Variants in MARK2 observed in about 807,000 individuals in gnomAD.
MARK2 encodes the protein microtubule affinity regulating kinase 2.
MARK2 carries 16 observed loss-of-function variants against 89.8 expected under a neutral mutation model. The observed-to-expected ratio is 0.18, with a 90% CI of 0.12 to 0.27. MARK2 has a LOEUF of 0.27. Ranked by LOEUF, MARK2 falls within the 10% of genes least tolerant of loss-of-function variation. MARK2 has a pLI of 1.00. For synonymous variants in MARK2, 382 were observed against 399.5 expected (o/e 0.96, Z 0.52); for missense variants, 621 against 1,049.9 (o/e 0.59, Z 5.65).
At chr11:63,861,295 G>C (rs753561066) in intron 1 of MARK2, among the ~76,000 whole-genome samples, 1 of 152,126 alleles carries the variant, frequency 6.6e-6, no homozygotes, top group Non-Finnish European at 1.5e-5. Context: ...ACGTAGCCAG[G>C]CGTGGTGGTG....
At chr11:63,847,765 C>G (rs970320800) in intron 1 of MARK2, among the ~76,000 whole-genome samples, 1 of 152,194 alleles carries the variant, frequency 6.6e-6, no homozygotes, top group African/African-American at 2.4e-5. Context: ...AGCTCTAAGA[C>G]ATTAACTCCT....
intron 1 of MARK2, among the ~76,000 whole-genome samples, chr11:63,859,528 C>T (rs970996566): frequency 6.6e-6 from 1 of 152,036 alleles, no homozygotes; most frequent in Non-Finnish European, 1.5e-5. Context: ...ACCATGTTGG[C>T]CAGGCTGGTC....
chr11:63,865,545 A>G (rs1266387666), intron 1 of MARK2, among the ~76,000 whole-genome samples: 1 of 152,194 alleles, frequency 6.6e-6, no homozygotes, highest in Non-Finnish European at 1.5e-5. Flanking sequence ...GGTGTTCTTT[A>G]ATGCTGTGGC....
intron 1 of MARK2, among the ~76,000 whole-genome samples, chr11:63,876,341 C>T (rs1244747187): frequency 6.6e-6 from 1 of 152,242 alleles, no homozygotes; most frequent in Non-Finnish European, 1.5e-5. Flanking sequence ...GTTATATTTT[C>T]TGGCAACCTA....
At chr11:63,843,920 G>A (rs543960525) in intron 1 of MARK2, among the ~76,000 whole-genome samples, 1 of 152,078 alleles carries the variant, frequency 6.6e-6, no homozygotes, top group East Asian at 1.9e-4. Context: ...AGATTGGATC[G>A]GCTAGCTAGC....
intron 1 of MARK2, among the ~76,000 whole-genome samples, chr11:63,850,315 ATTTTT>A (rs34074167): frequency 4.2e-5 from 4 of 95,764 alleles, no homozygotes; most frequent in South Asian, 3.8e-4. Flanking sequence ...TACCTGGCTA[ATTTTT>A]TTTTTTTTTT....
At chr11:63,853,017 T>C (rs533102393) in intron 1 of MARK2, among the ~76,000 whole-genome samples, 1 of 152,226 alleles carries the variant, frequency 6.6e-6, no homozygotes, top group Non-Finnish European at 1.5e-5. Flanking sequence ...AATGAAGTCT[T>C]GAACAGCTGA....
chr11:63,887,203 G>C (rs1019925930), intron 1 of MARK2, among the ~76,000 whole-genome samples: 3 of 152,220 alleles, frequency 2.0e-5, no homozygotes, highest in African/African-American at 7.2e-5. Flanking sequence ...GGAAATGAGA[G>C]CACGATTAGG....
intron 1 of MARK2, among the ~76,000 whole-genome samples, chr11:63,879,522 G>C (rs1017637923): frequency 1.3e-5 from 2 of 151,834 alleles, no homozygotes; most frequent in African/African-American, 4.8e-5. Context: ...TAGTCCAGTA[G>C]CACCTGAAAC....
At chr11:63,883,030 G>A (rs1328712683) in intron 1 of MARK2, among the ~76,000 whole-genome samples, 1 of 152,186 alleles carries the variant, frequency 6.6e-6, no homozygotes, top group African/African-American at 2.4e-5. Context: ...TGATATGGAG[G>A]AACTTGTTGG....
intron 1 of MARK2, chr11:63,869,255 C>CT (rs1235050752): frequency 6.4e-6 from 1 of 157,274 alleles, no homozygotes; most frequent in African/African-American, 2.5e-5. Flanking sequence ...GAAACTGCTG[C>CT]TTGCTAGGCT....
At chr11:63,883,281 ACTC>A (rs764541123) in intron 1 of MARK2, among the ~76,000 whole-genome samples, 1 of 151,754 alleles carries the variant, frequency 6.6e-6, no homozygotes, top group Non-Finnish European at 1.5e-5. Flanking sequence ...TCATTCAGCT[ACTC>A]CTCCTGCAGG....
In MARK2 at chr11:63,899,120, A is replaced by T. The variant is rs1381279450; in HGVS notation, c.531+12A>T. 1 of 1,594,148 alleles carries T rather than the reference A, an allele frequency of 6.3e-7. No homozygotes were observed. The highest frequency in any genetic ancestry group is 8.6e-7 in the Non-Finnish European group (1 of 1,164,220). On this transcript the variant is annotated intron_variant, in intron 7 of 18. Coordinates refer to ENST00000402010, the MANE Select transcript of MARK2 (RefSeq NM_001039469.3). ...ATAGAGACTTAAAGGTAAGGCATGCACTTCTCCTTGTGCCTTTGAGTGGGA... is the reference window on the plus strand; with the variant it reads ...ATAGAGACTTAAAGGTAAGGCATGCTCTTCTCCTTGTGCCTTTGAGTGGGA...
chr11:63,846,185 A>G (rs2016266782), intron 1 of MARK2, among the ~76,000 whole-genome samples: 2 of 151,820 alleles, frequency 1.3e-5, no homozygotes, highest in Admixed American at 1.3e-4. Flanking sequence ...AATAGGCTAG[A>G]TCCCTTTATC....
At chr11:63,905,567 G>A (rs1295583914) in intron 16 of MARK2, among the ~76,000 whole-genome samples, 1 of 152,200 alleles carries the variant, frequency 6.6e-6, no homozygotes, top group East Asian at 1.9e-4. Context: ...AATCACTGGC[G>A]AGGGCCTACA....
At chr11:63,880,848 G>A (rs1215923242) in intron 1 of MARK2, among the ~76,000 whole-genome samples, 2 of 152,336 alleles carry the variant, frequency 1.3e-5, no homozygotes, top group East Asian at 3.9e-4. Flanking sequence ...ACCCTCATGG[G>A]TATTTTTTGC....
chr11:63,887,350 C>G (rs1266435981), intron 1 of MARK2, among the ~76,000 whole-genome samples: 1 of 152,200 alleles, frequency 6.6e-6, no homozygotes, highest in Admixed American at 6.5e-5. Flanking sequence ...GTCTCATAAC[C>G]TCTGAATGCC....
At position 63,909,586 on chromosome 11, in the gene MARK2, GA is replaced by G. The variant is rs915213852; in HGVS notation, c.*359del. ...ATTTTTTATTACCAAAAAGAAAAAA[GA>G]AAAAAAAAATCCCAGCGGCCACCTT... On this transcript the variant is annotated 3_prime_UTR_variant, in exon 19 of 19. Transcript: ENST00000402010. 2.1e-4 allele frequency: 36 copies of G among 168,262 alleles called. No homozygotes were observed. Among genetic ancestry groups the G allele is most frequent in the Non-Finnish European group, 2.9e-4 (23 of 79,552 alleles). 10.4% of individuals were successfully genotyped at this position (168,262 alleles called of 1,614,324 possible). A position where few individuals can be genotyped will look rare whatever the true frequency, so the allele number is the denominator to read the frequency against.
chr11:63,895,659 T>TA (rs1491474006), intron 3 of MARK2, 26 bp downstream of exon 3: 1 of 24,784 alleles, frequency 4.0e-5, no homozygotes, highest in African/African-American at 4.8e-4. Flanking sequence ...CTCCTGTCCC[T>TA]TTTTTTTTTT....
Sources: gnomAD v4.1 joint callset for allele counts (sites outside exome capture counted in the v4.1 genomes callset) on GRCh38, gnomAD v4.1.1 for gene constraint, MANE v1.5 for transcripts, NCBI Gene and HGNC (gene_info 2026-07-23, HGNC 2026-07-21) for gene names.